Variants in CELSR3 observed in about 807,000 individuals in gnomAD.
The protein encoded by CELSR3 is cadherin EGF LAG seven-pass G-type receptor 3, also known as EGF-like protein 1.
A neutral mutation model predicts 270.0 loss-of-function variants in CELSR3; 73 were observed. That is an observed-to-expected ratio of 0.27 (90% CI 0.22 to 0.33). The LOEUF is 0.33. Among genes scored for constraint, CELSR3 ranks in the 10% least tolerant of loss-of-function variants. The pLI is 1.00. For synonymous variants in CELSR3, 1,780 were observed against 1,905.4 expected (o/e 0.93, Z 1.71); for missense variants, 3,614 against 4,533.8 (o/e 0.80, Z 5.83).
Position 48,642,779 on chromosome 3 carries a change from G to A in CELSR3, c.8512C>T (p.Arg2838Trp), listed in dbSNP as rs780746187. ...CGCTGGCTGTCCTGGTCCTGGGTCC[G>A]GCCGGAGCGGGCACTGCTCACAGAG... ...VSSVSSARSG[R>W]TQDQDSQRGR... Residue 2838 changes from arginine (R) to tryptophan (W), a missense_variant, in exon 30 of 35, where the codon CGG becomes TGG. Arg to Trp is a moderately radical substitution (Grantham distance 101, BLOSUM62 -3). Coordinates refer to ENST00000164024, the MANE Select transcript of CELSR3 (RefSeq NM_001407.3). This position sits in a 1 kb window ranked among gnomAD's most constrained non-coding sequence, Gnocchi z 6.1. 12 of 1,612,480 alleles carry A rather than the reference G, an allele frequency of 7.4e-6. No homozygotes were observed. The highest frequency in any genetic ancestry group is 1.3e-5 in the African/African-American group (1 of 74,924).
rs1334133283 is a variant in CELSR3 at position 48,656,949 on chromosome 3, G to A, written c.4148C>T (p.Pro1383Leu). ...PFDDNVCLRE[P>L]CENYMKCVSV... ...CACGCATTTCATGTAGTTCTCACAGGGCTCTCGCAGGCACACGTTGTCGTC... is the reference window on the plus strand; with the variant it reads ...CACGCATTTCATGTAGTTCTCACAGAGCTCTCGCAGGCACACGTTGTCGTC... Residue 1383 changes from proline (P) to leucine (L), a missense_variant, in exon 2 of 35, where the codon CCC (proline) becomes CTC (leucine). This residue lies in a region of CELSR3 where 1,331 missense variants were observed against 1,933.7 expected (regional missense o/e 0.69). Coordinates refer to ENST00000164024, the MANE Select transcript of CELSR3 (RefSeq NM_001407.3). 1 of 1,612,600 alleles carries A rather than the reference G, an allele frequency of 6.2e-7. No homozygotes were observed. Among genetic ancestry groups the A allele is most frequent in the South Asian group, 1.1e-5 (1 of 90,916 alleles).
At position 48,652,526 on chromosome 3, in the gene CELSR3, G is replaced by T. The variant is rs1365377914; in HGVS notation, c.5662C>A (p.Gln1888Lys). Residue 1888 changes from glutamine to lysine, a missense_variant, in exon 11 of 35, where the codon CAG becomes AAG. Physicochemically the swap from Gln to Lys is moderately conservative, Grantham distance 53. This residue lies in a region of CELSR3 where 1,331 missense variants were observed against 1,933.7 expected (regional missense o/e 0.69). Transcript: ENST00000164024. The surrounding 1 kb of genome is among the most constrained non-coding windows in gnomAD (Gnocchi z 4.3). ...QDTMAVGSEL[Q>K]GLKVKQLHVG... Reference sequence around the variant, plus strand: ...TGGAGCTGCTTTACCTTCAGGCCCTGCAGCTCACTCCCCACCGCCATGGTG... The same window carrying T: ...TGGAGCTGCTTTACCTTCAGGCCCTTCAGCTCACTCCCCACCGCCATGGTG... 6.2e-7 allele frequency: 1 copy of T among 1,612,760 alleles called. No individual in the cohort carries two copies. Among genetic ancestry groups the T allele is most frequent in the South Asian group, 1.1e-5 (1 of 91,018 alleles).
At position 48,645,582 on chromosome 3, in the gene CELSR3, G is replaced by A. The variant is rs553968530; in HGVS notation, c.7658C>T (p.Ala2553Val). ...CAGGATGGCTGCAGTCAGCACCAGC[G>A]CAGCCACAGACACAGCCACGACCAC... ...THVVVAVSVAALVLTAAILLS... is the reference protein window; with the variant it reads ...THVVVAVSVAVLVLTAAILLS... The change falls in exon 24 of 35, where the codon GCG becomes GTG. Residue 2553 changes from alanine to valine, a missense_variant. Ala to Val is a moderately conservative substitution (Grantham distance 64, BLOSUM62 0). This residue lies in a region of CELSR3 where 1,240 missense variants were observed against 1,351.7 expected (regional missense o/e 0.92). Transcript: ENST00000164024. The surrounding 1 kb of genome is among the most constrained non-coding windows in gnomAD (Gnocchi z 5.4). 140 of 1,612,238 alleles carry A rather than the reference G, an allele frequency of 8.7e-5. No homozygotes were observed. In the East Asian group the frequency reaches 1.8e-3, roughly 20 times the overall value.
chr3:48,643,540 G>A lies in CELSR3; in HGVS notation c.8289+14C>T, dbSNP rs1464889616. The A allele has an allele frequency of 6.5e-7, 1 of 1,548,208 alleles. No individual in the cohort carries two copies. Among genetic ancestry groups the A allele is most frequent in the South Asian group, 1.2e-5 (1 of 83,972 alleles). The stretch of plus-strand genomic sequence containing the variant: ...CCACCTGGTTCTGGGGCAAGGGAGG[G>A]GCACCAGAGTCACCTGGAGGCCGCA... On this transcript the variant is annotated intron_variant, in intron 28 of 34. Coordinates refer to ENST00000164024, the MANE Select transcript of CELSR3 (RefSeq NM_001407.3).
rs750013436 is a variant in CELSR3, at chr3:48,649,114, G to A, written c.6567+7C>T. On this transcript the variant is annotated splice_region_variant and intron_variant, in intron 17 of 34. Transcript: ENST00000164024. Reference sequence around the variant, plus strand: ...TAGGTTGCAGGAAAAGGTCTGGGCAGTCTCACCAGCAGACTGAGCTCTCGA... The same window carrying A: ...TAGGTTGCAGGAAAAGGTCTGGGCAATCTCACCAGCAGACTGAGCTCTCGA... 9.9e-6 allele frequency: 16 copies of A among 1,609,854 alleles called. No individual in the cohort carries two copies. The highest frequency in any genetic ancestry group is 1.3e-5 in the Non-Finnish European group (15 of 1,178,160).
In CELSR3 at chr3:48,645,396, G is replaced by A. The variant is rs1418488883; in HGVS notation, c.7797+47C>T. 2 of 1,606,914 alleles carry A rather than the reference G, an allele frequency of 1.2e-6. No individual in the cohort carries two copies. Among genetic ancestry groups the A allele is most frequent in the Non-Finnish European group, 1.7e-6 (2 of 1,174,676 alleles). ...TGAGTTTTGGCCCCAGGCCTCCTGGGCCAGTAGGGTCATCAGGACACAAGT... is the reference window on the plus strand; with the variant it reads ...TGAGTTTTGGCCCCAGGCCTCCTGGACCAGTAGGGTCATCAGGACACAAGT... On this transcript the variant is annotated intron_variant, in intron 24 of 34. Coordinates refer to ENST00000164024, the MANE Select transcript of CELSR3 (RefSeq NM_001407.3). This position sits in a 1 kb window ranked among gnomAD's most constrained non-coding sequence, Gnocchi z 5.4.
chr3:48,657,416 G>A lies in CELSR3; in HGVS notation c.3749-68C>T. ...GCCACCCCTCCCTGGGACACAAGAG[G>A]GCTGGGGCCAGCGATAGCCTAGGCC... On this transcript the variant is annotated intron_variant, in intron 1 of 34. Transcript: ENST00000164024. This position sits in a 1 kb window ranked among gnomAD's most constrained non-coding sequence, Gnocchi z 5.4. 6.9e-7 allele frequency: 1 copy of A among 1,449,586 alleles called. No individual in the cohort carries two copies. Among genetic ancestry groups the A allele is most frequent in the Non-Finnish European group, 9.1e-7 (1 of 1,097,470 alleles). The allele number at this position is 1,449,586 out of a possible 1,614,324, so 89.8% of individuals were successfully genotyped here.
Position 48,648,011 on chromosome 3 carries a change from G to T in CELSR3, c.6974-15C>A, listed in dbSNP as rs1377495696. On this transcript the variant is annotated splice_polypyrimidine_tract_variant and intron_variant, in intron 19 of 34. Coordinates refer to ENST00000164024, the MANE Select transcript of CELSR3 (RefSeq NM_001407.3). ...AATGCTGAGCACTACCCAGGAGAAA[G>T]AAAGGGGAGGCCCATCATGGACCTC... 1.2e-6 allele frequency: 2 copies of T among 1,611,160 alleles called. No individual in the cohort carries two copies. Among genetic ancestry groups the T allele is most frequent in the Non-Finnish European group, 1.7e-6 (2 of 1,179,154 alleles).
At position 48,641,783 on chromosome 3, in the gene CELSR3, T is replaced by TG; in HGVS notation, c.8824+67dup. On this transcript the variant is annotated intron_variant, in intron 32 of 34. Transcript: ENST00000164024. The surrounding 1 kb of genome is among the most constrained non-coding windows in gnomAD (Gnocchi z 4.8). ...GGATGAACCCCAACCGCAGGAAAGA[T>TG]GGGGAGCTGGAGGGATAACAAATGG... 1 of 1,383,602 alleles carries TG rather than the reference T, an allele frequency of 7.2e-7. No homozygotes were observed. The highest frequency in any genetic ancestry group is 2.6e-5 in the East Asian group (1 of 38,330). 85.7% of individuals were successfully genotyped at this position (1,383,602 alleles called of 1,614,324 possible). A position where few individuals can be genotyped will look rare whatever the true frequency, so the allele number is the denominator to read the frequency against.
At chr3:48,648,485 G>A (rs1334525944) in intron 18 of CELSR3, 24 bp from the exon 19 acceptor site, 1 of 1,506,098 alleles carries the variant, frequency 6.6e-7, no homozygotes, top group Non-Finnish European at 8.9e-7. Context: ...GATAGAATTG[G>A]GTTCAGCCAG....
chr3:48,649,694 T>C, intron 16 of CELSR3, among the ~76,000 whole-genome samples: 1 of 152,196 alleles, frequency 6.6e-6, no homozygotes, highest in Non-Finnish European at 1.5e-5. Flanking sequence ...GTGGTTACTT[T>C]GCTGTCATTT....
Position 48,640,029 on chromosome 3 carries a change from A to T in CELSR3, c.9556T>A (p.Leu3186Met), listed in dbSNP as rs759895471. The change falls in exon 34 of 35, where the codon TTG becomes ATG. Residue 3186 changes from leucine (L) to methionine (M), a missense_variant. Transcript: ENST00000164024. This position sits in a 1 kb window ranked among gnomAD's most constrained non-coding sequence, Gnocchi z 7.5. ...AGAGAGTCCAGCGGCCGGGATGGCAAGAGGGGGTCCCTTGAGAGTTGCCGC... is the reference window on the plus strand; with the variant it reads ...AGAGAGTCCAGCGGCCGGGATGGCATGAGGGGGTCCCTTGAGAGTTGCCGC... ...PQRQLSRDPL[L>M]PSRPLDSLSR... is the part of the protein sequence containing the mutation. 5.0e-6 allele frequency: 8 copies of T among 1,611,494 alleles called. No homozygotes were observed. The highest frequency in any genetic ancestry group is 5.9e-6 in the Non-Finnish European group (7 of 1,179,800).
Position 48,662,183 on chromosome 3 carries a change from C to T in CELSR3, c.452G>A (p.Gly151Asp). The T allele has an allele frequency of 6.2e-7, 1 of 1,612,562 alleles. No homozygotes were observed. The change falls in exon 1 of 35, where the codon GGT (glycine) becomes GAT (aspartate). Residue 151 changes from glycine to aspartate, a missense_variant. Physicochemically the swap from Gly to Asp is moderately conservative, Grantham distance 94 (BLOSUM62 -1). Around this residue, in one of 7 missense-constraint regions of CELSR3, gnomAD observed 470 missense variants for 469.7 expected, o/e 1.00. Transcript: ENST00000164024. This position sits in a 1 kb window ranked among gnomAD's most constrained non-coding sequence, Gnocchi z 7.1. Reference sequence around the variant, plus strand: ...GGACAGAGCCCCTGGTGACAGACTACCTCTTTGCAAAGGTCCTGTCCGCCC... The same window carrying T: ...GGACAGAGCCCCTGGTGACAGACTATCTCTTTGCAAAGGTCCTGTCCGCCC... ...SCGRTGPLQRGSLSPGALSSG... is the reference protein window; with the variant it reads ...SCGRTGPLQRDSLSPGALSSG...
chr3:48,643,207 G>A (rs1188149262), intron 28 of CELSR3, 124 bp from the exon 29 acceptor site: 6 of 696,836 alleles, frequency 8.6e-6, no homozygotes, highest in East Asian at 2.6e-5. Context: ...GAGCCCATGC[G>A]GGACTCAGTA....
rs2047168964 is a variant in CELSR3, at chr3:48,655,131, T to A, written c.4901A>T (p.Asp1634Val). ...KDKVAVLSVD[D>V]CDVAVALQFG... ...CTGCAGAGCCACGGCCACATCACAA[T>A]CATCCACGCTTAGCACAGCCACCTT... is the stretch of plus-strand genomic sequence containing the variant. Residue 1634 changes from aspartate to valine, a missense_variant, in exon 6 of 35, where the codon GAT (aspartate) becomes GTT (valine). This residue lies in a region of CELSR3 where 1,331 missense variants were observed against 1,933.7 expected (regional missense o/e 0.69). Coordinates refer to ENST00000164024, the MANE Select transcript of CELSR3 (RefSeq NM_001407.3). The surrounding 1 kb of genome is among the most constrained non-coding windows in gnomAD (Gnocchi z 5.8). 6.2e-7 allele frequency: 1 copy of A among 1,613,778 alleles called. No homozygotes were observed.
In CELSR3 at chr3:48,646,195, T is replaced by C. The variant is rs2047082265; in HGVS notation, c.7358A>G (p.Asn2453Ser). The C allele has an allele frequency of 1.2e-6, 2 of 1,612,784 alleles. No individual in the cohort carries two copies. The highest frequency in any genetic ancestry group is 1.3e-5 in the African/African-American group (1 of 75,036). Residue 2453 changes from asparagine to serine, a missense_variant, in exon 22 of 35, where the codon AAC becomes AGC. Coordinates refer to ENST00000164024, the MANE Select transcript of CELSR3 (RefSeq NM_001407.3). This position sits in a 1 kb window ranked among gnomAD's most constrained non-coding sequence, Gnocchi z 4.8. The stretch of plus-strand genomic sequence containing the variant: ...GGACTCCAGGATTCCCCTTAGGAAG[T>C]TGCGTCCGTGGAACACAGCCACGCT... The part of the protein sequence containing the change: ...VVSVAVFHGR[N>S]FLRGILESPI...
chr3:48,662,480 G>A lies in CELSR3; in HGVS notation c.155C>T (p.Pro52Leu). ...WDPGLAATTG[P>L]RAHIGGGALA... is the part of the protein sequence containing the mutation. Reference sequence around the variant, plus strand: ...GGCTCCGCCACCGATATGCGCCCTTGGCCCCGTAGTGGCAGCTAAGCCTGG... The same window carrying A: ...GGCTCCGCCACCGATATGCGCCCTTAGCCCCGTAGTGGCAGCTAAGCCTGG... The change falls in exon 1 of 35, where the codon CCA becomes CTA. Residue 52 changes from proline (P) to leucine (L), a missense_variant. Physicochemically the swap from Pro to Leu is moderately conservative, Grantham distance 98 (BLOSUM62 -3). Coordinates refer to ENST00000164024, the MANE Select transcript of CELSR3 (RefSeq NM_001407.3). The surrounding 1 kb of genome is among the most constrained non-coding windows in gnomAD (Gnocchi z 7.1). 6.2e-7 allele frequency: 1 copy of A among 1,612,710 alleles called. No individual in the cohort carries two copies. Among genetic ancestry groups the A allele is most frequent in the South Asian group, 1.1e-5 (1 of 91,048 alleles).
rs2047017333 is a variant in CELSR3 at position 48,640,631 on chromosome 3, G to A, written c.9026-72C>T. 2 of 1,440,452 alleles carry A rather than the reference G, an allele frequency of 1.4e-6. No individual in the cohort carries two copies. Among genetic ancestry groups the A allele is most frequent in the Admixed American group, 2.5e-5 (1 of 40,602 alleles). The allele number at this position is 1,440,452 out of a possible 1,614,324, so 89.2% of individuals were successfully genotyped here. ...GGGCAGGCAGGAATTGCTGAGTCTA[G>A]GGGTGTGGCAGCCCTTGGGATCCTT... On this transcript the variant is annotated intron_variant, in intron 33 of 34. Coordinates refer to ENST00000164024, the MANE Select transcript of CELSR3 (RefSeq NM_001407.3). This position sits in a 1 kb window ranked among gnomAD's most constrained non-coding sequence, Gnocchi z 7.5.
intron 19 of CELSR3, 28 bp downstream of exon 19, chr3:48,648,238 G>GGGCCCCCCCAACC: frequency 7.4e-7 from 1 of 1,342,628 alleles, no homozygotes; most frequent in East Asian, 2.3e-5. Context: ...CCCCTGCTGT[G>GGGCCCCCCCAACC]CCCCGCCCTA....
Sources: gnomAD v4.1 joint callset for allele counts (sites outside exome capture counted in the v4.1 genomes callset) on GRCh38, gnomAD v4.1.1 for gene constraint, gnomAD v4.1.1 regional missense constraint, Gnocchi (gnomAD v3.1) non-coding constraint, MANE v1.5 for transcripts, NCBI Gene and HGNC (gene_info 2026-07-23, HGNC 2026-07-21) for gene names.